ZNF365: variants seen among roughly 807,000 people sequenced by gnomAD.
The protein encoded by ZNF365 is zinc finger protein 365.
A neutral mutation model predicts 35.0 loss-of-function variants in ZNF365; 22 were observed. The observed-to-expected ratio is 0.63, with a 90% confidence interval of 0.45 to 0.90. ZNF365 has a LOEUF of 0.90. Among genes scored for constraint, ZNF365 ranks in the 40% least tolerant of loss-of-function variants. The probability of loss-of-function intolerance (pLI) is 0.00; values close to 1 mark genes in which losing one functional copy is unlikely to be tolerated. For missense variants in ZNF365, 448 were observed against 500.3 expected, an observed-to-expected ratio of 0.90 and a Z score of 1.00; for synonymous variants, 188 against 196.2, an observed-to-expected ratio of 0.96 and a Z score of 0.35.
chr10:62,387,758 A>G (rs183103584), intron 2 of ZNF365, among the ~76,000 whole-genome samples: 204 of 152,122 alleles, frequency 1.3e-3, no homozygotes, highest in African/African-American at 4.6e-3. Flanking sequence ...GACTCATTTG[A>G]TGTGCTGTTT....
chr10:62,422,636 C>G (rs1266358627), intron 3 of ZNF365, among the ~76,000 whole-genome samples: 1 of 152,086 alleles, frequency 6.6e-6, no homozygotes, highest in South Asian at 2.1e-4. Flanking sequence ...CTTTAGAGCG[C>G]GGCCATGCTC....
At chr10:62,477,032 A>G (rs1450516060) in intron 4 of ZNF365, among the ~76,000 whole-genome samples, 1 of 152,188 alleles carries the variant, frequency 6.6e-6, no homozygotes, top group Non-Finnish European at 1.5e-5. Context: ...GCATCTCGTT[A>G]TTGAGTTCAT....
downstream of ZNF365, among the ~76,000 whole-genome samples, chr10:62,406,047 G>A (rs572787771): frequency 1.1e-4 from 17 of 152,302 alleles, no homozygotes; most frequent in South Asian, 3.5e-3. Context: ...CTTAGAGTGG[G>A]TAAGGGCAAG....
In ZNF365 at chr10:62,400,500, A is replaced by G. The variant is rs1020005724; in HGVS notation, c.*711A>G. 5.1e-6 allele frequency: 5 copies of G among 985,918 alleles called. No homozygotes were observed. The African/African-American group carries it at 7.0e-5, about 14-fold the overall frequency. The allele number at this position is 985,918 out of a possible 1,614,324, so 61.1% of individuals were successfully genotyped here. A position where few individuals can be genotyped will look rare whatever the true frequency, so the allele number is the denominator to read the frequency against. ...TTCTTTGGCTGAGTATTCTGCACCC[A>G]CAGACCATGCTGCCAGCCTCTATCT... On this transcript the variant is annotated 3_prime_UTR_variant, in exon 5 of 5. Transcript: ENST00000395254.
chr10:62,467,875 A>T (rs1293315320), intron 4 of ZNF365, among the ~76,000 whole-genome samples: 1 of 152,190 alleles, frequency 6.6e-6, no homozygotes, highest in Non-Finnish European at 1.5e-5. Context: ...CAGTGTTTGC[A>T]TTTGCATGGC....
chr10:62,405,319 C>T (rs1177957394), downstream of ZNF365, among the ~76,000 whole-genome samples: 2 of 152,132 alleles, frequency 1.3e-5, no homozygotes, highest in Non-Finnish European at 2.9e-5. Context: ...CAGCTTTTGC[C>T]TTTCTTATGA....
downstream of ZNF365, among the ~76,000 whole-genome samples, chr10:62,405,685 C>A (rs2132434854): frequency 6.6e-6 from 1 of 152,348 alleles, no homozygotes; most frequent in East Asian, 1.9e-4. Context: ...AGGACCCCAA[C>A]TTGCCAAGGA....
intron 3 of ZNF365, among the ~76,000 whole-genome samples, chr10:62,424,227 C>A (rs1197504404): frequency 1.3e-5 from 2 of 152,046 alleles, no homozygotes; most frequent in African/African-American, 2.4e-5. Flanking sequence ...ATTACTGCCC[C>A]CTTGCTATCA....
intron 3 of ZNF365, among the ~76,000 whole-genome samples, chr10:62,418,702 C>A (rs1322915444): frequency 6.6e-6 from 1 of 152,036 alleles, no homozygotes; most frequent in Non-Finnish European, 1.5e-5. Flanking sequence ...TCTGTTTAAG[C>A]ATATTCATCT....
In ZNF365 at chr10:62,388,496, G is replaced by A; in HGVS notation, c.844G>A (p.Val282Ile). The A allele has an allele frequency of 1.2e-6, 2 of 1,614,224 alleles. No individual in the cohort carries two copies. The highest frequency in any genetic ancestry group is 1.7e-6 in the Non-Finnish European group (2 of 1,180,046). Residue 282 changes from valine (V) to isoleucine (I), a missense_variant, in exon 3 of 5, where the codon GTA (valine) becomes ATA (isoleucine). Coordinates refer to ENST00000395254, the MANE Select transcript of ZNF365 (RefSeq NM_014951.3). ...QDFIENLLQR[V>I]ELAEKQLEYY... ...CTTTATTGAGAATCTGTTACAGCGGGTAGAACTGGCGGAGAAGCAGCTTGA... is the reference window on the plus strand; with the variant it reads ...CTTTATTGAGAATCTGTTACAGCGGATAGAACTGGCGGAGAAGCAGCTTGA...
intron 3 of ZNF365, among the ~76,000 whole-genome samples, chr10:62,433,081 T>A (rs1840357585): frequency 6.6e-6 from 1 of 152,196 alleles, no homozygotes; most frequent in Non-Finnish European, 1.5e-5. Flanking sequence ...AACTTCAAAT[T>A]CATCCTAGAT....
intron 3 of ZNF365, among the ~76,000 whole-genome samples, chr10:62,456,841 C>A (rs1292359218): frequency 7.0e-6 from 1 of 142,710 alleles, no homozygotes; most frequent in Non-Finnish European, 1.5e-5. Flanking sequence ...CGTGCGCACA[C>A]ATGCACACAC....
chr10:62,471,148 C>T (rs774167281), intron 4 of ZNF365, among the ~76,000 whole-genome samples: 3 of 151,982 alleles, frequency 2.0e-5, no homozygotes, highest in Non-Finnish European at 2.9e-5. Flanking sequence ...GGGCGGATCA[C>T]GAGGTCAGGA....
chr10:62,416,663 C>T (rs1016664840), intron 3 of ZNF365, among the ~76,000 whole-genome samples: 10 of 152,004 alleles, frequency 6.6e-5, no homozygotes. Context: ...GGTTGAGCCT[C>T]CCTTTTCAGA....
chr10:62,384,023 ATT>A (rs150156800), intron 2 of ZNF365, among the ~76,000 whole-genome samples: 1 of 139,268 alleles, frequency 7.2e-6, no homozygotes, highest in Admixed American at 7.1e-5. Context: ...TTGTACTGGT[ATT>A]TTTTTTTTTA....
chr10:62,426,128 T>C (rs1840247568), intron 3 of ZNF365, among the ~76,000 whole-genome samples: 1 of 152,050 alleles, frequency 6.6e-6, no homozygotes, highest in Admixed American at 6.6e-5. Flanking sequence ...CCACACCTGA[T>C]TGTGTGATTC....
At chr10:62,406,504 C>T (rs978279579), downstream of ZNF365, among the ~76,000 whole-genome samples, 3 of 152,112 alleles carry the variant, frequency 2.0e-5, no homozygotes, top group Admixed American at 6.5e-5. Context: ...TCCCCAGTGC[C>T]AGATGCAGTA....
intron 3 of ZNF365, among the ~76,000 whole-genome samples, chr10:62,431,135 G>A (rs1480602988): frequency 6.6e-6 from 1 of 152,134 alleles, no homozygotes; most frequent in Non-Finnish European, 1.5e-5. Flanking sequence ...CTGCCTGGGA[G>A]GACTAACTTC....
chr10:62,476,093 T>C (rs1841126031), intron 4 of ZNF365, among the ~76,000 whole-genome samples: 1 of 152,078 alleles, frequency 6.6e-6, no homozygotes, highest in African/African-American at 2.4e-5. Flanking sequence ...GTCTATTTTT[T>C]TGTGGGGAGG....
Sources: allele counts gnomAD v4.1 joint callset (sites outside exome capture counted in the v4.1 genomes callset), GRCh38; gene constraint gnomAD v4.1.1; transcripts MANE v1.5; gene names NCBI Gene and HGNC (gene_info 2026-07-23, HGNC 2026-07-21).